APBA2: variants seen among roughly 807,000 people sequenced by gnomAD.
APBA2 encodes amyloid-beta A4 precursor protein-binding family A member 2.
Under a neutral mutation model 75.0 loss-of-function variants are expected in APBA2, and 30 were observed. That is an observed-to-expected ratio of 0.40 (90% CI 0.30 to 0.54). The LOEUF is 0.54. APBA2 is among the 20% of genes least tolerant of loss of function. The probability of loss-of-function intolerance (pLI) is 0.49; values close to 1 mark genes in which losing one functional copy is unlikely to be tolerated. For synonymous variants in APBA2, 444 were observed against 409.6 expected (o/e 1.08, Z -1.01); for missense variants, 801 against 1,016.1 (o/e 0.79, Z 2.88).
chr15:29,047,519 G>C (rs2041393436), intron 3 of APBA2, among the ~76,000 whole-genome samples: 1 of 152,192 alleles, frequency 6.6e-6, no homozygotes, highest in Non-Finnish European at 1.5e-5. Context: ...GATTTCTAAA[G>C]CATTGCATTA....
At chr15:29,089,748 A>C (rs774238314) in intron 6 of APBA2, among the ~76,000 whole-genome samples, 11 of 152,176 alleles carry the variant, frequency 7.2e-5, no homozygotes, top group Non-Finnish European at 1.6e-4. Flanking sequence ...ATTCTTCTCC[A>C]GACTGTGCAG....
chr15:29,105,513 C>T lies in APBA2; in HGVS notation c.1659C>T (p.Tyr553=), dbSNP rs201167945. 154 of 1,613,680 alleles carry T rather than the reference C, an allele frequency of 9.5e-5. No homozygotes were observed. Among genetic ancestry groups the T allele is most frequent in the Non-Finnish European group, 1.3e-4 (149 of 1,180,036 alleles). ...ACATCATCAACACCCAGGAGATGTA[C>T]AACGACGACCTCATCCACTTCTCAA... The part of the protein sequence containing the change: ...YSDIINTQEM[Y]NDDLIHFSNS... The change falls in exon 11 of 15, where the codon TAC becomes TAT. Residue 553 remains tyrosine, a synonymous_variant. Coordinates refer to ENST00000683413, the MANE Select transcript of APBA2 (RefSeq NM_001353788.2).
At chr15:28,953,726 C>T (rs1485561845) in intron 2 of APBA2, among the ~76,000 whole-genome samples, 1 of 152,128 alleles carries the variant, frequency 6.6e-6, no homozygotes, top group Non-Finnish European at 1.5e-5. Flanking sequence ...GCTTGTGGGG[C>T]ACTCTGTGCT....
chr15:28,936,076 G>A (rs1253613094), intron 2 of APBA2, among the ~76,000 whole-genome samples: 1 of 152,180 alleles, frequency 6.6e-6, no homozygotes, highest in Non-Finnish European at 1.5e-5. Flanking sequence ...TCTCCTGAGA[G>A]GTTTTCCAAT....
intron 3 of APBA2, among the ~76,000 whole-genome samples, chr15:29,045,071 CTCTCT>C (rs2041241148): frequency 1.0e-5 from 1 of 100,262 alleles, no homozygotes; most frequent in Non-Finnish European, 1.7e-5. Context: ...CTCCCTCCTT[CTCTCT>C]CTCTCTCTCT....
At chr15:29,083,310 C>T (rs530304665) in intron 6 of APBA2, among the ~76,000 whole-genome samples, 1 of 151,856 alleles carries the variant, frequency 6.6e-6, no homozygotes, top group South Asian at 2.1e-4. Context: ...GGGTCTCGGT[C>T]TGTTTCTGGA....
At position 29,046,120 on chromosome 15, in the gene APBA2, C is replaced by T. The variant is rs1873281; in HGVS notation, c.-40-7725C>T. Among the ~76,000 whole-genome samples the T allele has an allele frequency of 0.25, 38,725 of 152,128 alleles. 9,838 individuals carry two copies. Among genetic ancestry groups the T allele is most frequent in the African/African-American group, 0.66 (27,248 of 41,436 alleles). Reference sequence around the variant, plus strand: ...AAGGGCTTCCTGAAAAAGTTGCTTACACATTGAGGTGTGTTAAATGGAATT... The same window carrying T: ...AAGGGCTTCCTGAAAAAGTTGCTTATACATTGAGGTGTGTTAAATGGAATT... On this transcript the variant is annotated intron_variant, in intron 3 of 14. Transcript: ENST00000683413. The surrounding 1 kb of genome is among the most constrained non-coding windows in gnomAD (Gnocchi z 5.0).
intron 3 of APBA2, among the ~76,000 whole-genome samples, chr15:29,045,006 T>A (rs529086978): frequency 2.0e-4 from 31 of 152,146 alleles, no homozygotes; most frequent in African/African-American, 7.0e-4. Context: ...GCAAGGCAGC[T>A]CTCTGGGGTC....
intron 1 of APBA2, among the ~76,000 whole-genome samples, chr15:28,910,135 C>T (rs1473395385): frequency 1.3e-5 from 2 of 152,100 alleles, no homozygotes; most frequent in East Asian, 3.9e-4. Flanking sequence ...GTGGGGAAGT[C>T]CAGATTGGGG....
intron 3 of APBA2, among the ~76,000 whole-genome samples, chr15:29,043,040 G>T (rs1009605222): frequency 6.6e-6 from 1 of 152,210 alleles, no homozygotes; most frequent in Non-Finnish European, 1.5e-5. Flanking sequence ...AGAAGTTCTT[G>T]TGGGAGAGAG....
At chr15:29,047,300 G>A (rs1330650781) in intron 3 of APBA2, among the ~76,000 whole-genome samples, 2 of 152,116 alleles carry the variant, frequency 1.3e-5, no homozygotes, top group African/African-American at 4.8e-5. Context: ...AAGAGAGCTG[G>A]ATCAGAATGT....
rs184055152 is a variant in APBA2 at position 29,048,114 on chromosome 15, C to T, written c.-40-5731C>T. On this transcript the variant is annotated intron_variant, in intron 3 of 14. Coordinates refer to ENST00000683413, the MANE Select transcript of APBA2 (RefSeq NM_001353788.2). ...TTGTAATCCCAGCACTTTGGGAAAC[C>T]GAGGTGGCTGATCACTTGAGGCAGG... 1.9e-3 allele frequency among the ~76,000 whole-genome samples: 284 copies of T among 151,830 alleles called. 2 individuals carry two copies. Among genetic ancestry groups the T allele is most frequent in the African/African-American group, 1.7e-3 (72 of 41,384 alleles).
intron 3 of APBA2, among the ~76,000 whole-genome samples, chr15:29,027,598 C>CT (rs1205389406): frequency 2.0e-5 from 3 of 151,044 alleles, no homozygotes; most frequent in Admixed American, 2.0e-4. Flanking sequence ...AGTCTTTTAT[C>CT]TTTTTTTTCT....
At chr15:28,967,211 C>G in intron 2 of APBA2, among the ~76,000 whole-genome samples, 1 of 152,048 alleles carries the variant, frequency 6.6e-6, no homozygotes, top group Non-Finnish European at 1.5e-5. Context: ...AATTCACATA[C>G]CATGTAACTC....
intron 1 of APBA2, among the ~76,000 whole-genome samples, chr15:28,915,216 C>T (rs2033629321): frequency 2.1e-5 from 2 of 95,800 alleles, no homozygotes; most frequent in South Asian, 3.6e-4. Flanking sequence ...AGCGCATACA[C>T]ACCACATACC....
intron 6 of APBA2, among the ~76,000 whole-genome samples, chr15:29,078,834 C>T (rs143531723): frequency 1.2e-3 from 177 of 152,236 alleles, no homozygotes; most frequent in Middle Eastern, 0.01. Context: ...ACCAGCTGGA[C>T]GTCCTCCCCT....
intron 12 of APBA2, 54 bp downstream of exon 12, chr15:29,106,873 A>G (rs2044439957): frequency 6.5e-7 from 1 of 1,542,046 alleles, no homozygotes; most frequent in Non-Finnish European, 8.9e-7. Flanking sequence ...GCCTCACTTC[A>G]TCCCCACTTT....
chr15:28,886,632 G>A (rs2031749441), intron 1 of APBA2, among the ~76,000 whole-genome samples: 1 of 152,106 alleles, frequency 6.6e-6, no homozygotes, highest in South Asian at 2.1e-4. Flanking sequence ...CTCGACTCCT[G>A]CCGGGCTGGC....
At chr15:28,939,451 A>C (rs2035062831) in intron 2 of APBA2, among the ~76,000 whole-genome samples, 2 of 152,122 alleles carry the variant, frequency 1.3e-5, no homozygotes, top group South Asian at 4.1e-4. Context: ...CAGCAGCTGC[A>C]CCCATTTACA....
Sources: gnomAD v4.1 joint callset for allele counts (sites outside exome capture counted in the v4.1 genomes callset) on GRCh38, gnomAD v4.1.1 for gene constraint, Gnocchi (gnomAD v3.1) non-coding constraint, MANE v1.5 for transcripts, NCBI Gene and HGNC (gene_info 2026-07-23, HGNC 2026-07-21) for gene names.